The following CMYA5 variants were observed in gnomAD, a reference collection of about 807,000 sequenced individuals.
The protein encoded by CMYA5 is cardiomyopathy-associated protein 5.
In CMYA5, 246 loss-of-function variants were observed where a neutral mutation model predicts 318.9. The observed-to-expected ratio is 0.77, with a 90% confidence interval of 0.70 to 0.86. The LOEUF is 0.86. Ranked by LOEUF, CMYA5 falls within the 40% of genes least tolerant of loss-of-function variation. The pLI is 0.00. For missense variants in CMYA5, 4,589 were observed against 4,678.2 expected, an observed-to-expected ratio of 0.98 and a Z score of 0.56; for synonymous variants, 1,641 against 1,729.5, an observed-to-expected ratio of 0.95 and a Z score of 1.27.
chr5:79,692,430 C>T (rs186638103), intron 1 of CMYA5, among the ~76,000 whole-genome samples: 122 of 152,256 alleles, frequency 8.0e-4, no homozygotes, highest in African/African-American at 2.8e-3. Context: ...GAAAAATTCT[C>T]TTTAATTATA....
chr5:79,718,784 G>A (rs1430586913), intron 1 of CMYA5, among the ~76,000 whole-genome samples: 1 of 152,102 alleles, frequency 6.6e-6, no homozygotes, highest in Admixed American at 6.5e-5. Context: ...AGATTATAAT[G>A]CCATATTTTA....
Position 79,739,134 on chromosome 5 carries a change from T to A in CMYA5, c.10369T>A (p.Ser3457Thr). 2 of 1,613,844 alleles carry A rather than the reference T, an allele frequency of 1.2e-6. No homozygotes were observed. Among genetic ancestry groups the A allele is most frequent in the Non-Finnish European group, 1.7e-6 (2 of 1,179,850 alleles). ...PEDVLSQGKESFEHISENEFA... is the reference protein window; with the variant it reads ...PEDVLSQGKETFEHISENEFA... ...AGATGTCTTATCTCAAGGAAAGGAA[T>A]CCTTTGAGCACATCAGTGAAAATGA... The change falls in exon 2 of 13, where the codon TCC becomes ACC. Residue 3457 changes from serine (S) to threonine (T), a missense_variant. Ser to Thr is a moderately conservative substitution (Grantham distance 58). Coordinates refer to ENST00000446378, the MANE Select transcript of CMYA5 (RefSeq NM_153610.5).
At chr5:79,776,784 T>TA (rs1457133810) in intron 9 of CMYA5, among the ~76,000 whole-genome samples, 1 of 152,116 alleles carries the variant, frequency 6.6e-6, no homozygotes, top group South Asian at 2.1e-4. Context: ...CTGTGTTTTT[T>TA]AAAAAACAAT....
intron 5 of CMYA5, 65 bp from the exon 6 acceptor site, chr5:79,752,611 T>A: frequency 8.2e-7 from 1 of 1,217,128 alleles, no homozygotes; most frequent in Non-Finnish European, 1.2e-6. Flanking sequence ...TTTGAACAAT[T>A]TTTTTCACTT....
At chr5:79,770,528 T>G (rs1016138746) in intron 9 of CMYA5, among the ~76,000 whole-genome samples, 3 of 152,274 alleles carry the variant, frequency 2.0e-5, no homozygotes, top group South Asian at 2.1e-4. Context: ...ATGGCTTCCC[T>G]TGGCTAAGGC....
In CMYA5 at chr5:79,733,580, C is replaced by G. The variant is rs375281848; in HGVS notation, c.4815C>G (p.Asp1605Glu). 4 of 1,613,716 alleles carry G rather than the reference C, an allele frequency of 2.5e-6. No homozygotes were observed. Among genetic ancestry groups the G allele is most frequent in the Non-Finnish European group, 3.4e-6 (4 of 1,179,834 alleles). Residue 1605 changes from aspartate to glutamate, a missense_variant, in exon 2 of 13, where the codon GAC becomes GAG. Physicochemically the swap from Asp to Glu is conservative, Grantham distance 45. Coordinates refer to ENST00000446378, the MANE Select transcript of CMYA5 (RefSeq NM_153610.5). ...AVEVSSTAQGDFPSEKQDVAL... is the reference protein window; with the variant it reads ...AVEVSSTAQGEFPSEKQDVAL... ...AGGTATCTTCTACAGCTCAGGGAGA[C>G]TTCCCATCAGAAAAACAAGATGTTG... is the stretch of plus-strand genomic sequence containing the variant.
intron 5 of CMYA5, among the ~76,000 whole-genome samples, chr5:79,748,014 A>G (rs1828360151): frequency 6.6e-6 from 1 of 152,246 alleles, no homozygotes; most frequent in South Asian, 2.1e-4. Flanking sequence ...GAAATCACAC[A>G]GATGAATCCT....
Position 79,759,811 on chromosome 5 carries a change from ATAAT to A in CMYA5, c.11260+915_11260+918del, listed in dbSNP as rs560579797. On this transcript the variant is annotated intron_variant, in intron 7 of 12. Coordinates refer to ENST00000446378, the MANE Select transcript of CMYA5 (RefSeq NM_153610.5). ...TTTAAGTCTTTTGAAATGTCATGTGATAATTAATTTAGAAAAAAGTTTAAAAAAG... is the reference window on the plus strand; with the variant it reads ...TTTAAGTCTTTTGAAATGTCATGTGATAATTTAGAAAAAAGTTTAAAAAAG... Among the ~76,000 whole-genome samples the A allele has an allele frequency of 4.8e-3, 731 of 152,332 alleles. 6 individuals carry two copies. The highest frequency in any genetic ancestry group is 0.015 in the African/African-American group (635 of 41,574).
rs767406794 is a variant in CMYA5, at chr5:79,732,684, T to C, written c.3919T>C (p.Ser1307Pro). The C allele has an allele frequency of 3.7e-6, 6 of 1,613,416 alleles. No homozygotes were observed. Among genetic ancestry groups the C allele is most frequent in the Middle Eastern group, 1.7e-4 (1 of 6,060 alleles). The change falls in exon 2 of 13, where the codon TCC (serine) becomes CCC (proline). Residue 1307 changes from serine to proline, a missense_variant. Ser to Pro is a moderately conservative substitution (Grantham distance 74). This residue lies in a region of CMYA5 where 2,132 missense variants were observed against 2,131.3 expected (regional missense o/e 1.00). Transcript: ENST00000446378. Reference protein sequence around the residue: ...SAVKMEMKHDSKITTTPIVLH... With the variant: ...SAVKMEMKHDPKITTTPIVLH... ...AGTGAAAATGGAGATGAAACATGAT[T>C]CCAAAATAACAACTACACCTATAGT...
rs779157087 is a variant in CMYA5, at chr5:79,735,781, A to G, written c.7016A>G (p.His2339Arg). The change falls in exon 2 of 13, where the codon CAT (histidine) becomes CGT (arginine). Residue 2339 changes from histidine to arginine, a missense_variant. By Grantham distance (29) the His-to-Arg change is conservative (BLOSUM62 0). This residue lies in a region of CMYA5 where 2,431 missense variants were observed against 2,495.1 expected (regional missense o/e 0.97). Coordinates refer to ENST00000446378, the MANE Select transcript of CMYA5 (RefSeq NM_153610.5). ...GAAGCCAAAACTATTGTTCCTCCTC[A>G]TGTTACTGATAGTAAAAGAGTCCAG... ...MEEAKTIVPPHVTDSKRVQKP... is the reference protein window; with the variant it reads ...MEEAKTIVPPRVTDSKRVQKP... The G allele has an allele frequency of 6.4e-6, 10 of 1,562,008 alleles. No homozygotes were observed. In the South Asian group the frequency reaches 1.1e-4, roughly 18 times the overall value.
At chr5:79,742,718 A>T in intron 2 of CMYA5, among the ~76,000 whole-genome samples, 1 of 151,582 alleles carries the variant, frequency 6.6e-6, no homozygotes, top group Admixed American at 6.6e-5. Flanking sequence ...GTGTTTATTT[A>T]TCTCCCATTG....
chr5:79,778,433 A>G (rs1828985138), intron 9 of CMYA5, among the ~76,000 whole-genome samples: 2 of 152,192 alleles, frequency 1.3e-5, no homozygotes, highest in South Asian at 4.1e-4. Flanking sequence ...ATTGGATGAT[A>G]AAACTTTTGA....
In CMYA5 at chr5:79,793,494, C is replaced by T. The variant is rs763150476; in HGVS notation, c.11847C>T (p.Thr3949=). The T allele has an allele frequency of 6.2e-7, 1 of 1,613,920 alleles. No homozygotes were observed. The highest frequency in any genetic ancestry group is 1.1e-5 in the South Asian group (1 of 91,080). The change falls in exon 12 of 13, where the codon ACC becomes ACT. Residue 3949 remains threonine (T), a synonymous_variant. Coordinates refer to ENST00000446378, the MANE Select transcript of CMYA5 (RefSeq NM_153610.5). ...CCTGTGGCCAGCATTACTGGGAAACCACAGTCACAGACTGCCCAGCATATC... is the reference window on the plus strand; with the variant it reads ...CCTGTGGCCAGCATTACTGGGAAACTACAGTCACAGACTGCCCAGCATATC... ...LPSCGQHYWE[T]TVTDCPAYRL...
chr5:79,724,968 TTTC>T (rs996939661), intron 1 of CMYA5, among the ~76,000 whole-genome samples: 3 of 152,220 alleles, frequency 2.0e-5, no homozygotes, highest in Admixed American at 1.3e-4. Flanking sequence ...CAAACTCCTA[TTTC>T]TTCTTCTACA....
chr5:79,753,871 G>A (rs1309409523), intron 6 of CMYA5, among the ~76,000 whole-genome samples: 1 of 152,138 alleles, frequency 6.6e-6, no homozygotes, highest in African/African-American at 2.4e-5. Context: ...TCTTTAAGAG[G>A]GATTAGACTA....
At chr5:79,774,510 AC>A (rs1828906362) in intron 9 of CMYA5, 1 of 152,384 alleles carries the variant, frequency 6.6e-6, no homozygotes, top group Non-Finnish European at 1.5e-5. Flanking sequence ...GAAATATAGT[AC>A]AGGGATTAGC....
chr5:79,714,485 G>A (rs1827477077), intron 1 of CMYA5, among the ~76,000 whole-genome samples: 1 of 137,024 alleles, frequency 7.3e-6, no homozygotes, highest in South Asian at 2.3e-4. Flanking sequence ...CCAGGCTGGA[G>A]TGCAGTGCTG....
intron 12 of CMYA5, among the ~76,000 whole-genome samples, chr5:79,796,422 G>A (rs1340220923): frequency 6.6e-6 from 1 of 151,974 alleles, no homozygotes. Context: ...AACAGATCAA[G>A]AGTTTCTGTT....
chr5:79,710,405 A>G (rs1827367298), intron 1 of CMYA5, among the ~76,000 whole-genome samples: 1 of 152,128 alleles, frequency 6.6e-6, no homozygotes, highest in African/African-American at 2.4e-5. Flanking sequence ...AATAATTTTT[A>G]AGAGTATAAA....
Sources: allele counts gnomAD v4.1 joint callset (sites outside exome capture counted in the v4.1 genomes callset), GRCh38; gene constraint gnomAD v4.1.1; regional missense constraint gnomAD v4.1.1; transcripts MANE v1.5; gene names NCBI Gene and HGNC (gene_info 2026-07-23, HGNC 2026-07-21).